The following CEMIP variants were observed in gnomAD, a reference collection of about 807,000 sequenced individuals.
CEMIP encodes the protein cell migration inducing hyaluronidase 1.
A neutral mutation model predicts 156.9 loss-of-function variants in CEMIP; 105 were observed. The ratio of observed to expected loss-of-function variants is 0.67; its 90% CI spans 0.57 to 0.79. The LOEUF is 0.79. Among genes scored for constraint, CEMIP ranks in the 30% least tolerant of loss-of-function variants. The pLI is 0.00. For missense variants in CEMIP, 1,457 were observed against 1,769.4 expected (o/e 0.82, Z 3.17); for synonymous variants, 676 against 668.4 (o/e 1.01, Z -0.17).
In CEMIP at chr15:80,880,936, T is replaced by G. The variant is rs754208381; in HGVS notation, c.417T>G (p.Gly139=). ...DEGIQPDPYY[G]LKYIGVGKGG... The stretch of plus-strand genomic sequence containing the variant: ...GTATTCAGCCGGATCCTTACTATGG[T>G]CTGAAGTACATTGGGGTTGGTAAAG... Residue 139 remains glycine, a synonymous_variant, in exon 6 of 30, where the codon GGT becomes GGG. Coordinates refer to ENST00000394685, the MANE Select transcript of CEMIP (RefSeq NM_001293298.2). 4 of 1,614,208 alleles carry G rather than the reference T, an allele frequency of 2.5e-6. No homozygotes were observed. The South Asian group carries it at 4.4e-5, about 18-fold the overall frequency.
intron 1 of CEMIP, among the ~76,000 whole-genome samples, chr15:80,820,491 C>T (rs904086473): frequency 6.6e-6 from 1 of 152,176 alleles, no homozygotes; most frequent in African/African-American, 2.4e-5. Flanking sequence ...ACCTGAACCA[C>T]AGTCAGGATC....
chr15:80,815,275 TCCTGTGGCCTG>T (rs1220688725), intron 1 of CEMIP, among the ~76,000 whole-genome samples: 2 of 152,240 alleles, frequency 1.3e-5, no homozygotes, highest in Non-Finnish European at 2.9e-5. Flanking sequence ...AAAATGGGTA[TCCTGTGGCCTG>T]CCTGGCCCAA....
intron 1 of CEMIP, among the ~76,000 whole-genome samples, chr15:80,850,288 T>C (rs1897681680): frequency 6.6e-6 from 1 of 152,070 alleles, no homozygotes; most frequent in South Asian, 2.1e-4. Flanking sequence ...GTCATCTTCT[T>C]TTTTTTGAGA....
Position 80,936,882 on chromosome 15 carries a change from A to G in CEMIP, c.3218A>G (p.Asn1073Ser), listed in dbSNP as rs554309838. 1.1e-5 allele frequency: 17 copies of G among 1,613,942 alleles called. No individual in the cohort carries two copies. Among genetic ancestry groups the G allele is most frequent in the African/African-American group, 1.3e-5 (1 of 75,052 alleles). ...AELAIWLINFNKGDWIRVGLC... is the reference protein window; with the variant it reads ...AELAIWLINFSKGDWIRVGLC... Reference sequence around the variant, plus strand: ...CTCGCCATCTGGCTCATCAACTTCAACAAGTGAGTGGGTGTCCAGCCAGGA... The same window carrying G: ...CTCGCCATCTGGCTCATCAACTTCAGCAAGTGAGTGGGTGTCCAGCCAGGA... The change falls in exon 24 of 30, where the codon AAC becomes AGC. Residue 1073 changes from asparagine (N) to serine (S), a missense_variant. Physicochemically the swap from Asn to Ser is conservative, Grantham distance 46 (BLOSUM62 1). This residue lies in a region of CEMIP where 798 missense variants were observed against 980.1 expected (regional missense o/e 0.81). Coordinates refer to ENST00000394685, the MANE Select transcript of CEMIP (RefSeq NM_001293298.2).
intron 20 of CEMIP, 24 bp from the exon 21 acceptor site, chr15:80,928,995 A>C: frequency 6.2e-7 from 1 of 1,614,148 alleles, no homozygotes. Flanking sequence ...TGGGCATCTC[A>C]CCTTAAACAT....
intron 1 of CEMIP, among the ~76,000 whole-genome samples, chr15:80,838,251 G>C (rs922852437): frequency 2.0e-5 from 3 of 152,156 alleles, no homozygotes; most frequent in Non-Finnish European, 4.4e-5. Flanking sequence ...CTGGAGCAAC[G>C]GGTCTTGCAG....
chr15:80,935,280 C>T (rs1208681801), intron 23 of CEMIP, among the ~76,000 whole-genome samples: 1 of 152,182 alleles, frequency 6.6e-6, no homozygotes, highest in East Asian at 1.9e-4. Flanking sequence ...TGACCAAACC[C>T]TCAAGCCTGG....
chr15:80,784,064 C>A (rs1188542928), intron 1 of CEMIP, among the ~76,000 whole-genome samples: 1 of 152,196 alleles, frequency 6.6e-6, no homozygotes, highest in African/African-American at 2.4e-5. Flanking sequence ...CTTGCACAGG[C>A]ACCTGCTCAG....
chr15:80,860,334 A>C (rs1214075021), intron 1 of CEMIP, among the ~76,000 whole-genome samples: 1 of 152,200 alleles, frequency 6.6e-6, no homozygotes, highest in Non-Finnish European at 1.5e-5. Flanking sequence ...CTTAGCTAGA[A>C]TCCAGCCTTC....
chr15:80,862,064 C>A (rs1897999772), intron 1 of CEMIP, among the ~76,000 whole-genome samples: 1 of 152,232 alleles, frequency 6.6e-6, no homozygotes, highest in Non-Finnish European at 1.5e-5. Flanking sequence ...TTGGCCCTGG[C>A]AGACTTTCCC....
chr15:80,833,991 T>A (rs1229509784), intron 1 of CEMIP, among the ~76,000 whole-genome samples: 1 of 152,294 alleles, frequency 6.6e-6, no homozygotes, highest in Non-Finnish European at 1.5e-5. Context: ...TATTGATAAT[T>A]GGGGCTGGAT....
intron 1 of CEMIP, among the ~76,000 whole-genome samples, chr15:80,780,249 A>C (rs978480275): frequency 6.6e-6 from 1 of 152,140 alleles, no homozygotes; most frequent in African/African-American, 2.4e-5. Flanking sequence ...GTTTAGACTG[A>C]GACTCCAAAC....
At chr15:80,800,059 G>A (rs1288700879) in intron 1 of CEMIP, among the ~76,000 whole-genome samples, 1 of 151,304 alleles carries the variant, frequency 6.6e-6, no homozygotes, top group Non-Finnish European at 1.5e-5. Context: ...GTGTGTGTGT[G>A]TGTAGACGGG....
chr15:80,840,872 G>A (rs148828612), intron 1 of CEMIP, among the ~76,000 whole-genome samples: 2 of 152,328 alleles, frequency 1.3e-5, no homozygotes, highest in African/African-American at 4.8e-5. Flanking sequence ...AAATAGGCAG[G>A]CTTGGAGGCT....
chr15:80,858,341 T>G (rs1244166258), intron 1 of CEMIP, among the ~76,000 whole-genome samples: 2 of 152,116 alleles, frequency 1.3e-5, no homozygotes, highest in Non-Finnish European at 2.9e-5. Flanking sequence ...TTGAGGAAAA[T>G]AAGTATTCTT....
At chr15:80,911,868 TTGA>T (rs1900071010) in intron 14 of CEMIP, among the ~76,000 whole-genome samples, 1 of 151,630 alleles carries the variant, frequency 6.6e-6, no homozygotes, top group Non-Finnish European at 1.5e-5. Context: ...CAGGGCAGTG[TTGA>T]GAGTGAGCAT....
At chr15:80,881,531 C>G (rs1057243360) in intron 6 of CEMIP, among the ~76,000 whole-genome samples, 17 of 151,034 alleles carry the variant, frequency 1.1e-4, no homozygotes, top group African/African-American at 4.1e-4. Context: ...TCAAGACAGA[C>G]AGCAAGTGCA....
At chr15:80,877,892 C>T (rs1898526301) in intron 3 of CEMIP, among the ~76,000 whole-genome samples, 2 of 152,252 alleles carry the variant, frequency 1.3e-5, no homozygotes. Flanking sequence ...CATCAGCCTC[C>T]TCTCTTCCAT....
chr15:80,823,424 G>A (rs967194631), intron 1 of CEMIP, among the ~76,000 whole-genome samples: 10 of 152,170 alleles, frequency 6.6e-5, no homozygotes, highest in Non-Finnish European at 1.5e-4. Flanking sequence ...AATTAGTTGG[G>A]GCATGGATGG....
Sources: gnomAD v4.1 joint callset for allele counts (sites outside exome capture counted in the v4.1 genomes callset) on GRCh38, gnomAD v4.1.1 for gene constraint, gnomAD v4.1.1 regional missense constraint, MANE v1.5 for transcripts, NCBI Gene and HGNC (gene_info 2026-07-23, HGNC 2026-07-21) for gene names.